Variants in COL2A1 observed in about 807,000 individuals in gnomAD.
COL2A1 encodes the protein collagen alpha-1(II) chain.
A neutral mutation model predicts 204.5 loss-of-function variants in COL2A1; 28 were observed. The ratio of observed to expected loss-of-function variants is 0.14; its 90% CI spans 0.10 to 0.19. The LOEUF (loss-of-function observed/expected upper bound fraction) is 0.19, where lower values mean the gene tolerates loss of function less well. Ranked by LOEUF, COL2A1 falls within the 10% of genes least tolerant of loss-of-function variation. The pLI is 1.00. For synonymous variants in COL2A1, 708 were observed against 718.7 expected, an observed-to-expected ratio of 0.99 and a Z score of 0.24; for missense variants, 1,388 against 2,027.5, an observed-to-expected ratio of 0.68 and a Z score of 6.06.
chr12:47,983,181 A>T (rs369362634), intron 31 of COL2A1, 44 bp from the exon 32 acceptor site: 35 of 1,602,398 alleles, frequency 2.2e-5, no homozygotes, highest in African/African-American at 2.0e-4. Context: ...GCTTCATATC[A>T]CAGACCCCTG....
chr12:47,986,429 G>A lies in COL2A1; in HGVS notation c.1434C>T (p.Pro478=). The A allele has an allele frequency of 3.9e-6, 6 of 1,557,264 alleles. No homozygotes were observed. Among genetic ancestry groups the A allele is most frequent in the Non-Finnish European group, 5.2e-6 (6 of 1,149,708 alleles). The change falls in exon 23 of 54, where the codon CCC becomes CCT. Residue 478 remains proline, a synonymous_variant. Transcript: ENST00000380518. ...GPKGEPGPAG[P]QGAPGPAGEE... ...CACCAGCGGGTCCAGGGGCTCCCTGGGGGCCAGCAGGGCCCTGAGGACCAG... is the reference window on the plus strand; with the variant it reads ...CACCAGCGGGTCCAGGGGCTCCCTGAGGGCCAGCAGGGCCCTGAGGACCAG...
Position 47,995,282 on chromosome 12 carries a change from A to G in COL2A1, c.735T>C (p.Pro245=). 1 of 1,613,742 alleles carries G rather than the reference A, an allele frequency of 6.2e-7. No homozygotes were observed. Among genetic ancestry groups the G allele is most frequent in the Non-Finnish European group, 8.5e-7 (1 of 1,179,582 alleles). ...VSGPMGPRGP[P]GPPGKPGDDG... is the part of the protein sequence containing the mutation. ...CATCACCAGGCTTTCCAGGGGGACC[A>G]GGAGGACCACGGGGACCCATGGGAC... Residue 245 remains proline, a synonymous_variant, in exon 11 of 54, where the codon CCT becomes CCC. Transcript: ENST00000380518.
chr12:47,977,070 G>A (rs757170608), intron 47 of COL2A1, 32 bp downstream of exon 47: 3 of 1,593,316 alleles, frequency 1.9e-6, no homozygotes, highest in South Asian at 1.1e-5. Context: ...TATCCCTGGT[G>A]GGGACTCAGT....
Position 47,980,393 on chromosome 12 carries a change from C to A in COL2A1, c.2625+161G>T, listed in dbSNP as rs1290050182. ...CCTGTACTCTGTCAGTCCCTACACC[C>A]CACCCACACAGCCCACATGCCACAT... is the stretch of plus-strand genomic sequence containing the variant. On this transcript the variant is annotated intron_variant, in intron 39 of 53. Coordinates refer to ENST00000380518, the MANE Select transcript of COL2A1 (RefSeq NM_001844.5). The surrounding 1 kb of genome is among the most constrained non-coding windows in gnomAD (Gnocchi z 4.5). 6.6e-6 allele frequency among the ~76,000 whole-genome samples: 1 copy of A among 152,200 alleles called. No individual in the cohort carries two copies. Among genetic ancestry groups the A allele is most frequent in the African/African-American group, 2.4e-5 (1 of 41,442 alleles).
Position 48,004,389 on chromosome 12 carries a change from G to A in COL2A1, c.-68C>T, listed in dbSNP as rs1592244344. Reference sequence around the variant, plus strand: ...CAGCGAAACGGCAGGAGCACGGCGCGGGTCCGGGTCTCTACCGCGCCCTCA... The same window carrying A: ...CAGCGAAACGGCAGGAGCACGGCGCAGGTCCGGGTCTCTACCGCGCCCTCA... On this transcript the variant is annotated 5_prime_UTR_variant, in exon 1 of 54. Coordinates refer to ENST00000380518, the MANE Select transcript of COL2A1 (RefSeq NM_001844.5). 1 of 954,798 alleles carries A rather than the reference G, an allele frequency of 1.0e-6. No homozygotes were observed. The highest frequency in any genetic ancestry group is 1.6e-6 in the Non-Finnish European group (1 of 616,502). The allele number at this position is 954,798 out of a possible 1,614,324, so 59.1% of individuals were successfully genotyped here.
chr12:47,980,041 G>A lies in COL2A1; in HGVS notation c.2647C>T (p.Pro883Ser), dbSNP rs1938960615. The A allele has an allele frequency of 6.4e-7, 1 of 1,555,554 alleles. No individual in the cohort carries two copies. Among genetic ancestry groups the A allele is most frequent in the South Asian group, 1.2e-5 (1 of 84,240 alleles). The change falls in exon 40 of 54, where the codon CCT becomes TCT. Residue 883 changes from proline (P) to serine (S), a missense_variant. Pro to Ser is a moderately conservative substitution (Grantham distance 74, BLOSUM62 -1). Around this residue, in one of 3 missense-constraint regions of COL2A1, gnomAD observed 884 missense variants for 1,415.8 expected, o/e 0.62. Coordinates refer to ENST00000380518, the MANE Select transcript of COL2A1 (RefSeq NM_001844.5). The surrounding 1 kb of genome is among the most constrained non-coding windows in gnomAD (Gnocchi z 4.5). ...GPQGPTGVTGPKGARGAQGPP... is the reference protein window; with the variant it reads ...GPQGPTGVTGSKGARGAQGPP... ...CCTTGGGCACCTCGGGCTCCTTTAG[G>A]ACCAGTCACTCCAGTAGGACCCTGG...
At chr12:47,999,486 C>T (rs149931266) in intron 2 of COL2A1, among the ~76,000 whole-genome samples, 23 of 152,308 alleles carry the variant, frequency 1.5e-4, no homozygotes, top group Admixed American at 1.5e-3. Context: ...GCAGAGCTTT[C>T]TCCACACTGA....
At chr12:47,993,575 C>A in intron 14 of COL2A1, 73 bp from the exon 15 acceptor site, 2 of 1,371,458 alleles carry the variant, frequency 1.5e-6, no homozygotes, top group Non-Finnish European at 2.1e-6. Flanking sequence ...AGGGAAGACG[C>A]CAAAAGCCCT....
intron 1 of COL2A1, among the ~76,000 whole-genome samples, chr12:48,000,728 G>C (rs1940197564): frequency 6.6e-6 from 1 of 152,188 alleles, no homozygotes; most frequent in South Asian, 2.1e-4. Context: ...ATAAGAAAGG[G>C]GGGTGAAAAG....
chr12:47,984,213 A>C (rs1939257721), intron 28 of COL2A1, 73 bp from the exon 29 acceptor site: 2 of 1,426,728 alleles, frequency 1.4e-6, no homozygotes, highest in Non-Finnish European at 1.9e-6. Context: ...GGATTGGGCA[A>C]AGGTACTTCT....
In COL2A1 at chr12:47,995,255, A is replaced by T. The variant is rs770501502; in HGVS notation, c.762T>A (p.Asp254Glu). The change falls in exon 11 of 54, where the codon GAT (aspartate) becomes GAA (glutamate). Residue 254 changes from aspartate (D) to glutamate (E), a missense_variant and splice_region_variant. By Grantham distance (45) the Asp-to-Glu change is conservative. Transcript: ENST00000380518. ...PPGPPGKPGD[D>E]GEAGKPGKAG... ...CATTTGTCTACTCGTGTATACTCAC[A>T]TCATCACCAGGCTTTCCAGGGGGAC... 2 of 1,613,030 alleles carry T rather than the reference A, an allele frequency of 1.2e-6. No individual in the cohort carries two copies. Among genetic ancestry groups the T allele is most frequent in the Non-Finnish European group, 1.7e-6 (2 of 1,178,956 alleles).
Position 47,973,284 on chromosome 12 carries a change from G to C in COL2A1, c.*123C>G. 3.1e-6 allele frequency: 4 copies of C among 1,279,486 alleles called. No homozygotes were observed. The highest frequency in any genetic ancestry group is 4.6e-6 in the Non-Finnish European group (4 of 874,958). The allele number at this position is 1,279,486 out of a possible 1,614,324, so 79.3% of individuals were successfully genotyped here. On this transcript the variant is annotated 3_prime_UTR_variant, in exon 54 of 54. Coordinates refer to ENST00000380518, the MANE Select transcript of COL2A1 (RefSeq NM_001844.5). ...GGAGAAAAGTCCGAACTGTGAGAGG[G>C]TGGGATGAATGGACATCAGGTCAGG...
rs766131966 is a variant in COL2A1 at position 47,974,314 on chromosome 12, G to T, written c.4092C>A (p.Asp1364Glu). ...NGGFHFSYGD[D>E]NLAPNTANVQ... ...CGTTGGCAGTGTTGGGAGCCAGATT[G>T]TCATCTCCATAGCTGAACTGTTGGG... The change falls in exon 53 of 54, where the codon GAC (aspartate) becomes GAA (glutamate). Residue 1364 changes from aspartate to glutamate, a missense_variant. Asp to Glu is a conservative substitution (Grantham distance 45, BLOSUM62 2). Around this residue, in one of 3 missense-constraint regions of COL2A1, gnomAD observed 303 missense variants for 369.2 expected, o/e 0.82. Coordinates refer to ENST00000380518, the MANE Select transcript of COL2A1 (RefSeq NM_001844.5). 2 of 1,614,058 alleles carry T rather than the reference G, an allele frequency of 1.2e-6. No individual in the cohort carries two copies. Among genetic ancestry groups the T allele is most frequent in the Non-Finnish European group, 1.7e-6 (2 of 1,180,020 alleles).
chr12:47,986,181 A>G lies in COL2A1; in HGVS notation c.1527+155T>C, dbSNP rs1635546. Reference sequence around the variant, plus strand: ...AGTCTGGTGGTTGGCGGCACAAATCAGGATCAGACTCCCTCTCCCCGCGGT... The same window carrying G: ...AGTCTGGTGGTTGGCGGCACAAATCGGGATCAGACTCCCTCTCCCCGCGGT... On this transcript the variant is annotated intron_variant, in intron 23 of 53. Transcript: ENST00000380518. Among the ~76,000 whole-genome samples, 71,352 of 151,752 alleles carry G rather than the reference A, an allele frequency of 0.47. 16,988 individuals carry two copies. Among genetic ancestry groups the G allele is most frequent in the East Asian group, 0.57 (2,899 of 5,130 alleles).
At chr12:47,977,199 G>A (rs1466773640) in intron 46 of COL2A1, 44 bp from the exon 47 acceptor site, 2 of 1,607,902 alleles carry the variant, frequency 1.2e-6, no homozygotes, top group Non-Finnish European at 8.5e-7. Context: ...GCCAGGACAG[G>A]TGGGGGCCTC....
rs748218784 is a variant in COL2A1 at position 47,983,162 on chromosome 12, A to G, written c.2050-25T>C. The stretch of plus-strand genomic sequence containing the variant: ...CCTGGAGAACAAAGAAAGATGTGTG[A>G]GAGTGAAGGCTTCATATCACAGACC... On this transcript the variant is annotated intron_variant, in intron 31 of 53. Coordinates refer to ENST00000380518, the MANE Select transcript of COL2A1 (RefSeq NM_001844.5). 6 of 1,611,526 alleles carry G rather than the reference A, an allele frequency of 3.7e-6. No individual in the cohort carries two copies. The East Asian group carries it at 1.1e-4, about 30-fold the overall frequency.
chr12:47,994,096 G>A (rs1319157456), intron 12 of COL2A1, 49 bp from the exon 13 acceptor site: 2 of 1,608,252 alleles, frequency 1.2e-6, no homozygotes, highest in Non-Finnish European at 8.5e-7. Flanking sequence ...AATAACAGTG[G>A]AAAGCTGCCC....
intron 46 of COL2A1, 47 bp from the exon 47 acceptor site, chr12:47,977,202 G>A (rs1399533704): frequency 6.2e-7 from 1 of 1,607,612 alleles, no homozygotes; most frequent in African/African-American, 1.3e-5. Flanking sequence ...AGGACAGGTG[G>A]GGGCCTCCTC....
At chr12:47,994,847 G>A (rs115437141) in intron 11 of COL2A1, among the ~76,000 whole-genome samples, 15 of 152,134 alleles carry the variant, frequency 9.9e-5, no homozygotes, top group Admixed American at 7.2e-4. Flanking sequence ...TCTTCATTTC[G>A]TTTGCATCCT....
Sources: gnomAD v4.1 joint callset for allele counts (sites outside exome capture counted in the v4.1 genomes callset) on GRCh38, gnomAD v4.1.1 for gene constraint, gnomAD v4.1.1 regional missense constraint, Gnocchi (gnomAD v3.1) non-coding constraint, MANE v1.5 for transcripts, NCBI Gene and HGNC (gene_info 2026-07-23, HGNC 2026-07-21) for gene names.